Variants in CTNNA3 observed in about 807,000 individuals in gnomAD.
The protein encoded by CTNNA3 is catenin alpha-3.
In CTNNA3, 76 loss-of-function variants were observed where a neutral mutation model predicts 95.7. The ratio of observed to expected loss-of-function variants is 0.79; its 90% confidence interval spans 0.66 to 0.96. CTNNA3 has a LOEUF of 0.96. CTNNA3 is among the 40% of genes least tolerant of loss of function. The pLI is 0.00. For missense variants in CTNNA3, 1,191 were observed against 1,089.8 expected (o/e 1.09, Z -1.31); for synonymous variants, 431 against 374.4 (o/e 1.15, Z -1.74).
At chr10:67,639,080 T>C (rs980734827) in intron 2 of CTNNA3, among the ~76,000 whole-genome samples, 5 of 152,038 alleles carry the variant, frequency 3.3e-5, no homozygotes, top group Non-Finnish European at 1.5e-5. Context: ...GCTGGTTTTT[T>C]GAAAAGGTCA....
At chr10:66,495,687 A>T (rs1840076253) in intron 11 of CTNNA3, among the ~76,000 whole-genome samples, 2 of 151,950 alleles carry the variant, frequency 1.3e-5, no homozygotes, top group African/African-American at 4.8e-5. Flanking sequence ...AGTTTCACTC[A>T]CTCTTTCACC....
chr10:67,621,318 C>T (rs1438318655), intron 2 of CTNNA3, among the ~76,000 whole-genome samples: 1 of 152,112 alleles, frequency 6.6e-6, no homozygotes, highest in Admixed American at 6.6e-5. Context: ...CCAAGTAAGC[C>T]TTCTGTATCT....
At position 67,198,839 on chromosome 10, in the gene CTNNA3, C is replaced by G. The variant is rs149153597; in HGVS notation, c.844-18319G>C. On this transcript the variant is annotated intron_variant, in intron 6 of 17. Transcript: ENST00000433211. ...GTTGGTCAGAAAAATGTTAAACCAA[C>G]ATCATTCCTTCTGCTATGCTTTGAT... Among the ~76,000 whole-genome samples the G allele has an allele frequency of 1.6e-3, 242 of 152,304 alleles. 3 individuals carry two copies. The highest frequency in any genetic ancestry group is 5.6e-3 in the African/African-American group (233 of 41,572).
At chr10:66,451,894 T>C (rs185325399) in intron 11 of CTNNA3, among the ~76,000 whole-genome samples, 80 of 152,330 alleles carry the variant, frequency 5.3e-4, no homozygotes, top group African/African-American at 1.7e-3. Flanking sequence ...ATGTTATCTA[T>C]AAGCATGGTC....
intron 7 of CTNNA3, among the ~76,000 whole-genome samples, chr10:67,158,199 C>T (rs1861391497): frequency 6.6e-6 from 1 of 152,072 alleles, no homozygotes; most frequent in Admixed American, 6.6e-5. Context: ...TCCTGGCTTC[C>T]CTGTCTATGC....
chr10:66,831,694 A>G (rs193131445), intron 7 of CTNNA3, among the ~76,000 whole-genome samples: 227 of 150,266 alleles, frequency 1.5e-3, no homozygotes, highest in African/African-American at 5.6e-3. Flanking sequence ...GAAGAAACAA[A>G]AAAAAGGGGA....
At chr10:67,078,429 C>T (rs1040622348) in intron 7 of CTNNA3, among the ~76,000 whole-genome samples, 1 of 152,000 alleles carries the variant, frequency 6.6e-6, no homozygotes. Flanking sequence ...GAGAGAGGGA[C>T]CAACAAAATG....
upstream of CTNNA3, among the ~76,000 whole-genome samples, chr10:67,698,596 G>T (rs746197977): frequency 6.6e-5 from 10 of 151,932 alleles, no homozygotes; most frequent in Non-Finnish European, 1.2e-4. Context: ...TGAACCATGA[G>T]TCCATTTCAT....
chr10:67,514,236 G>A (rs1293302831), intron 5 of CTNNA3, among the ~76,000 whole-genome samples: 1 of 152,174 alleles, frequency 6.6e-6, no homozygotes, highest in African/African-American at 2.4e-5. Context: ...GGAGGCAGAG[G>A]TTGCACTGAG....
chr10:67,562,568 A>G (rs1436376365), intron 3 of CTNNA3, among the ~76,000 whole-genome samples: 1 of 152,176 alleles, frequency 6.6e-6, no homozygotes, highest in Non-Finnish European at 1.5e-5. Flanking sequence ...ATTCCCTTTG[A>G]AAACTGGCAC....
chr10:65,946,890 C>G (rs546852857), intron 17 of CTNNA3, among the ~76,000 whole-genome samples: 1 of 152,066 alleles, frequency 6.6e-6, no homozygotes, highest in African/African-American at 2.4e-5. Context: ...CTATTCTGTA[C>G]AGTAATTGAA....
intron 2 of CTNNA3, among the ~76,000 whole-genome samples, chr10:67,636,012 A>G (rs868011324): frequency 3.2e-4 from 49 of 152,316 alleles, no homozygotes; most frequent in Admixed American, 9.1e-4. Flanking sequence ...TAGCATTCCT[A>G]TACATGAACA....
chr10:66,846,363 A>T (rs1195812786), intron 7 of CTNNA3, among the ~76,000 whole-genome samples: 1 of 152,154 alleles, frequency 6.6e-6, no homozygotes. Flanking sequence ...ATTAAGCAAG[A>T]TAAATAAGTT....
At chr10:66,561,453 C>A (rs1842550588) in intron 10 of CTNNA3, among the ~76,000 whole-genome samples, 3 of 152,094 alleles carry the variant, frequency 2.0e-5, no homozygotes, top group Admixed American at 2.0e-4. Flanking sequence ...GACTATTTCT[C>A]ACATTTTTAT....
chr10:66,779,849 G>A (rs967330656), intron 7 of CTNNA3, among the ~76,000 whole-genome samples: 13 of 152,004 alleles, frequency 8.6e-5, no homozygotes, highest in African/African-American at 2.2e-4. Context: ...TACTATATGC[G>A]GGACACCATG....
chr10:66,735,639 G>C (rs4628576), intron 9 of CTNNA3, among the ~76,000 whole-genome samples: 98,060 of 151,952 alleles, frequency 0.65, 32,339 homozygotes, highest in East Asian at 0.94. Context: ...AGTTGATTAA[G>C]TTATCAACTC....
At position 67,580,106 on chromosome 10, in the gene CTNNA3, T is replaced by G. The variant is rs528972782; in HGVS notation, c.292+26751A>C. ...GGCTTTTGTTGCCATTGCTTTTGGTTTTTAACTCATGAAGTCCTTGCCTGT... is the reference window on the plus strand; with the variant it reads ...GGCTTTTGTTGCCATTGCTTTTGGTGTTTAACTCATGAAGTCCTTGCCTGT... On this transcript the variant is annotated intron_variant, in intron 3 of 17. Coordinates refer to ENST00000433211, the MANE Select transcript of CTNNA3 (RefSeq NM_013266.4). Among the ~76,000 whole-genome samples, 384 of 152,154 alleles carry G rather than the reference T, an allele frequency of 2.5e-3. 4 individuals carry two copies. The highest frequency in any genetic ancestry group is 8.4e-3 in the African/African-American group (347 of 41,532).
At chr10:66,320,971 A>T (rs1348799899) in intron 12 of CTNNA3, among the ~76,000 whole-genome samples, 1 of 152,088 alleles carries the variant, frequency 6.6e-6, no homozygotes, top group African/African-American at 2.4e-5. Flanking sequence ...TAAGACATCA[A>T]ACATGCAATT....
chr10:66,957,276 T>G (rs1848839231), intron 7 of CTNNA3, among the ~76,000 whole-genome samples: 1 of 151,708 alleles, frequency 6.6e-6, no homozygotes, highest in Non-Finnish European at 1.5e-5. Context: ...TTTCCTAAAT[T>G]TACTATTTGC....
Sources: allele counts gnomAD v4.1 joint callset (sites outside exome capture counted in the v4.1 genomes callset), GRCh38; gene constraint gnomAD v4.1.1; transcripts MANE v1.5; gene names NCBI Gene and HGNC (gene_info 2026-07-23, HGNC 2026-07-21).